The following GRM8 variants were observed in gnomAD, a reference collection of about 807,000 sequenced individuals.
GRM8 encodes metabotropic glutamate receptor 8.
A neutral mutation model predicts 87.2 loss-of-function variants in GRM8; 47 were observed. The ratio of observed to expected loss-of-function variants is 0.54; its 90% CI spans 0.43 to 0.69. The LOEUF is 0.69. Ranked by LOEUF, GRM8 falls within the 30% of genes least tolerant of loss-of-function variation. The pLI is 0.00. For missense variants in GRM8, 1,019 were observed against 1,139.2 expected (o/e 0.89, Z 1.52); for synonymous variants, 396 against 404.5 (o/e 0.98, Z 0.25).
chr7:126,781,003 A>C (rs187960041), intron 6 of GRM8, among the ~76,000 whole-genome samples: 17 of 152,292 alleles, frequency 1.1e-4, no homozygotes, highest in Admixed American at 5.2e-4. Context: ...ACAAAACAGG[A>C]TTAAAAACAA....
intron 2 of GRM8, among the ~76,000 whole-genome samples, chr7:127,233,132 G>C (rs1797791539): frequency 6.6e-6 from 1 of 152,022 alleles, no homozygotes; most frequent in South Asian, 2.1e-4. Flanking sequence ...ACCCAGCCTG[G>C]GTTGTTTAAC....
intron 8 of GRM8, among the ~76,000 whole-genome samples, chr7:126,557,895 G>A (rs1248821299): frequency 6.6e-6 from 1 of 152,062 alleles, no homozygotes; most frequent in African/African-American, 2.4e-5. Flanking sequence ...ATATAAAGAT[G>A]TACTTTAAGT....
chr7:126,868,889 T>C (rs1798841566), intron 6 of GRM8: 1 of 152,228 alleles, frequency 6.6e-6, no homozygotes. Flanking sequence ...TTTATTAAAA[T>C]AAGACAACAA....
At chr7:126,923,773 T>G (rs1300419156) in intron 3 of GRM8, among the ~76,000 whole-genome samples, 1 of 152,114 alleles carries the variant, frequency 6.6e-6, no homozygotes, top group Non-Finnish European at 1.5e-5. Context: ...GAGTAGAGTA[T>G]GAAATATATC....
intron 2 of GRM8, 115 bp downstream of exon 2, chr7:127,242,580 C>T (rs17866131): frequency 4.1e-4 from 400 of 975,242 alleles, no homozygotes; most frequent in Non-Finnish European, 5.3e-4. Context: ...CCTGGTAACA[C>T]CAAAAGGGTC....
chr7:126,980,390 G>T (rs1313089366), intron 3 of GRM8, among the ~76,000 whole-genome samples: 1 of 152,072 alleles, frequency 6.6e-6, no homozygotes, highest in African/African-American at 2.4e-5. Flanking sequence ...AAGATATTTT[G>T]GTTTCATTCA....
chr7:126,479,665 A>AATAATGG (rs1425403995), intron 9 of GRM8, among the ~76,000 whole-genome samples: 1 of 152,082 alleles, frequency 6.6e-6, no homozygotes, highest in Non-Finnish European at 1.5e-5. Context: ...GACTATTTTA[A>AATAATGG]ATAATGGTAC....
intron 7 of GRM8, among the ~76,000 whole-genome samples, chr7:126,651,150 A>G (rs1803808848): frequency 1.3e-5 from 2 of 152,166 alleles, no homozygotes; most frequent in Non-Finnish European, 2.9e-5. Flanking sequence ...ACTACCATCC[A>G]TGGACTCACA....
intron 9 of GRM8, among the ~76,000 whole-genome samples, chr7:126,470,680 A>C (rs538055611): frequency 6.6e-6 from 1 of 152,084 alleles, no homozygotes; most frequent in Non-Finnish European, 1.5e-5. Flanking sequence ...TAGCAACATG[A>C]TTTATAGTCC....
At position 126,911,235 on chromosome 7, in the gene GRM8, G is replaced by A. The variant is rs182160215; in HGVS notation, c.728-6552C>T. On this transcript the variant is annotated intron_variant, in intron 3 of 10. Coordinates refer to ENST00000339582, the MANE Select transcript of GRM8 (RefSeq NM_000845.3). ...TGCTCACTTGCCTGTGCCAATAGAT[G>A]AAATGACTAGATTTCACTCTTCATC... Among the ~76,000 whole-genome samples the A allele has an allele frequency of 8.7e-3, 1,320 of 152,248 alleles. 10 individuals carry two copies. Among genetic ancestry groups the A allele is most frequent in the Non-Finnish European group, 0.014 (930 of 68,022 alleles).
rs199901156 is a variant in GRM8, at chr7:127,057,809, CA to C, written c.727+48686del. On this transcript the variant is annotated intron_variant, in intron 3 of 10. Transcript: ENST00000339582. ...AAATTTAGCACCAGCTCATATCCCA[CA>C]AAAAAAAAAACCTAATATAGGGAAA... is the stretch of plus-strand genomic sequence containing the variant. Among the ~76,000 whole-genome samples the C allele has an allele frequency of 3.1e-3, 435 of 141,386 alleles. 1 individual carries two copies. The highest frequency in any genetic ancestry group is 7.9e-3 in the South Asian group (35 of 4,456). The allele number at this position is 141,386 out of a possible 152,430, so 92.8% of individuals were successfully genotyped here.
chr7:126,815,849 A>G (rs1262686826), intron 6 of GRM8, among the ~76,000 whole-genome samples: 1 of 152,158 alleles, frequency 6.6e-6, no homozygotes, highest in Non-Finnish European at 1.5e-5. Flanking sequence ...GATGATAGCC[A>G]TGATGATAAC....
intron 7 of GRM8, among the ~76,000 whole-genome samples, chr7:126,758,902 T>G (rs1486353736): frequency 2.0e-5 from 3 of 152,082 alleles, no homozygotes; most frequent in Non-Finnish European, 2.9e-5. Context: ...TTTTCCTTTT[T>G]TCTTTTTCTT....
At chr7:126,654,759 A>C (rs1010864901) in intron 7 of GRM8, among the ~76,000 whole-genome samples, 2 of 152,206 alleles carry the variant, frequency 1.3e-5, no homozygotes, top group African/African-American at 4.8e-5. Context: ...TTTAGGTTTA[A>C]CAGTCTTAAA....
intron 3 of GRM8, among the ~76,000 whole-genome samples, chr7:127,089,871 C>T (rs145736504): frequency 2.6e-3 from 403 of 152,200 alleles, no homozygotes; most frequent in African/African-American, 8.9e-3. Flanking sequence ...ATCTGATGTC[C>T]CATCTCTGCA....
chr7:126,504,040 C>A lies in GRM8; in HGVS notation c.2430+28912G>T, dbSNP rs192357951. ...CTGAGAATTAGGGGTTGTTCTGTTACCCCTTCACTAACAGTCTATCTTCAC... is the reference window on the plus strand; with the variant it reads ...CTGAGAATTAGGGGTTGTTCTGTTAACCCTTCACTAACAGTCTATCTTCAC... On this transcript the variant is annotated intron_variant, in intron 9 of 10. Transcript: ENST00000339582. 2.0e-3 allele frequency among the ~76,000 whole-genome samples: 302 copies of A among 152,070 alleles called. 1 individual carries two copies. The highest frequency in any genetic ancestry group is 7.0e-3 in the African/African-American group (289 of 41,526).
chr7:126,571,239 T>C (rs1049381280), intron 8 of GRM8, among the ~76,000 whole-genome samples: 7 of 152,182 alleles, frequency 4.6e-5, no homozygotes, highest in African/African-American at 1.4e-4. Context: ...CATAGGTTGA[T>C]AGATAAAAAT....
intron 2 of GRM8, among the ~76,000 whole-genome samples, chr7:127,202,264 G>A (rs900537606): frequency 6.7e-6 from 1 of 149,624 alleles, no homozygotes; most frequent in African/African-American, 2.5e-5. Context: ...ACTATGATCT[G>A]CCTCTCAGGC....
intron 3 of GRM8, chr7:127,084,292 C>G (rs2132823188): frequency 6.6e-6 from 1 of 152,238 alleles, no homozygotes; most frequent in Admixed American, 6.5e-5. Context: ...CTAGGCTGTT[C>G]CTTCAAGATA....
Sources: allele counts gnomAD v4.1 joint callset (sites outside exome capture counted in the v4.1 genomes callset), GRCh38; gene constraint gnomAD v4.1.1; transcripts MANE v1.5; gene names NCBI Gene and HGNC (gene_info 2026-07-23, HGNC 2026-07-21).